ANKS1A: variants seen among roughly 807,000 people sequenced by gnomAD.
The protein encoded by ANKS1A is ankyrin repeat and SAM domain-containing protein 1A.
In ANKS1A, 55 loss-of-function variants were observed where a neutral mutation model predicts 120.3. That is an observed-to-expected ratio of 0.46 (90% CI 0.37 to 0.57). The LOEUF (loss-of-function observed/expected upper bound fraction) is 0.57, where lower values mean the gene tolerates loss of function less well. Among genes scored for constraint, ANKS1A ranks in the 20% least tolerant of loss-of-function variants. ANKS1A has a pLI of 0.00. For missense variants in ANKS1A, 1,123 were observed against 1,480.3 expected (o/e 0.76, Z 3.96); for synonymous variants, 590 against 604.7 (o/e 0.98, Z 0.36).
chr6:34,973,179 CTT>C (rs3842138), intron 3 of ANKS1A, among the ~76,000 whole-genome samples: 13,387 of 152,194 alleles, frequency 0.088, 752 homozygotes, highest in East Asian at 0.33. Flanking sequence ...TTGCATGACT[CTT>C]CTCTCATCTC....
intron 13 of ANKS1A, among the ~76,000 whole-genome samples, chr6:35,065,010 G>A (rs944852260): frequency 6.6e-6 from 1 of 152,170 alleles, no homozygotes; most frequent in Admixed American, 6.5e-5. Context: ...TATCCCAGGA[G>A]GAAGAATGTA....
At position 35,060,284 on chromosome 6, in the gene ANKS1A, G is replaced by A. The variant is rs775186451; in HGVS notation, c.2184+31G>A. On this transcript the variant is annotated intron_variant, in intron 13 of 23. Transcript: ENST00000360359. This position sits in a 1 kb window ranked among gnomAD's most constrained non-coding sequence, Gnocchi z 4.5. ...TGGCTGCAGGCCTCCTCAATGGCAG[G>A]GTGCTGCTCAGTGGAAACAGGCCTC... 6 of 1,585,730 alleles carry A rather than the reference G, an allele frequency of 3.8e-6. 1 individual carries two copies. Among genetic ancestry groups the A allele is most frequent in the Admixed American group, 1.8e-5 (1 of 56,526 alleles).
intron 3 of ANKS1A, 133 bp from the exon 4 acceptor site, chr6:34,981,557 C>T (rs758501051): frequency 3.5e-5 from 34 of 978,090 alleles, no homozygotes; most frequent in Admixed American, 1.0e-4. Context: ...GTCTGGATTC[C>T]GACTTTTATT....
rs928264901 is a variant in ANKS1A at position 35,044,307 on chromosome 6, C to G, written c.2011-9792C>G. Among the ~76,000 whole-genome samples the G allele has an allele frequency of 6.6e-6, 1 of 152,182 alleles. No individual in the cohort carries two copies. Among genetic ancestry groups the G allele is most frequent in the Non-Finnish European group, 1.5e-5 (1 of 68,038 alleles). On this transcript the variant is annotated intron_variant, in intron 11 of 23. Transcript: ENST00000360359. This position sits in a 1 kb window ranked among gnomAD's most constrained non-coding sequence, Gnocchi z 4.4. ...AATAACAGGTTTGCCAGGTAGGTGT[C>G]GTTATCCCTGTTACAGATGACCAAG...
intron 2 of ANKS1A, 74 bp downstream of exon 2, chr6:34,967,393 A>G: frequency 2.0e-6 from 3 of 1,503,800 alleles, no homozygotes; most frequent in Non-Finnish European, 1.8e-6. Flanking sequence ...TTCATTTCCT[A>G]GAAAAGTTTG....
chr6:34,987,347 CT>C (rs993192444), intron 8 of ANKS1A, among the ~76,000 whole-genome samples: 2 of 152,126 alleles, frequency 1.3e-5, no homozygotes, highest in African/African-American at 2.4e-5. Context: ...TCTTTCTAGG[CT>C]TTTTTGGCCT....
chr6:35,086,279 C>A lies in ANKS1A; in HGVS notation c.3303+343C>A, dbSNP rs2820242. 20,499 of 1,329,280 alleles carry A rather than the reference C, an allele frequency of 0.015. 203 individuals carry two copies. The highest frequency in any genetic ancestry group is 0.027 in the Middle Eastern group (132 of 4,932). The allele number at this position is 1,329,280 out of a possible 1,614,324, so 82.3% of individuals were successfully genotyped here. On this transcript the variant is annotated intron_variant, in intron 22 of 23. Transcript: ENST00000360359. The surrounding 1 kb of genome is among the most constrained non-coding windows in gnomAD (Gnocchi z 5.1). ...TTGCTCTGCACCCCAGGTGCCGCTG[C>A]CCCCCGATAGTCGCTGTTGTTACTG...
intron 1 of ANKS1A, among the ~76,000 whole-genome samples, chr6:34,960,196 C>T (rs1325355692): frequency 1.3e-5 from 2 of 152,194 alleles, no homozygotes; most frequent in Non-Finnish European, 2.9e-5. Context: ...CAGATATTCT[C>T]AAAGATCACC....
intron 13 of ANKS1A, among the ~76,000 whole-genome samples, chr6:35,063,898 A>C (rs1776636661): frequency 6.6e-6 from 1 of 152,242 alleles, no homozygotes; most frequent in South Asian, 2.1e-4. Flanking sequence ...CAAGTGGCAG[A>C]GCCAAGTCCA....
chr6:35,052,609 T>TAAAAAAAAAAAAAAAAAAAAAAAA (rs59378149), intron 11 of ANKS1A, among the ~76,000 whole-genome samples: 2 of 102,430 alleles, frequency 2.0e-5, no homozygotes, highest in East Asian at 3.1e-4. Context: ...TCTTCTCTGT[T>TAAAAAAAAAAAAAAAAAAAAAAAA]AAAAAAAAAA....
At chr6:35,095,071 G>A (rs957466281), downstream of ANKS1A, among the ~76,000 whole-genome samples, 1 of 149,428 alleles carries the variant, frequency 6.7e-6, no homozygotes, top group African/African-American at 2.5e-5. Context: ...AGCCCAGGAG[G>A]TCGAGGCTGC....
At chr6:35,087,645 A>G (rs1324139551) in intron 23 of ANKS1A, among the ~76,000 whole-genome samples, 2 of 152,084 alleles carry the variant, frequency 1.3e-5, no homozygotes, top group Admixed American at 6.6e-5. Context: ...TGCTGGCCTC[A>G]CTCTCATGGC....
At chr6:34,917,999 C>T (rs779540005) in intron 1 of ANKS1A, among the ~76,000 whole-genome samples, 7 of 152,232 alleles carry the variant, frequency 4.6e-5, no homozygotes, top group Admixed American at 2.0e-4. Flanking sequence ...CTCAGACTCA[C>T]TCCAGAAATG....
At chr6:35,033,542 C>G (rs1341070646) in intron 11 of ANKS1A, among the ~76,000 whole-genome samples, 2 of 152,190 alleles carry the variant, frequency 1.3e-5, no homozygotes, top group Admixed American at 1.3e-4. Flanking sequence ...ACCTAGGGGT[C>G]TGGCCATGCT....
intron 1 of ANKS1A, among the ~76,000 whole-genome samples, chr6:34,937,986 CACCCT>C (rs908987740): frequency 6.6e-6 from 1 of 152,114 alleles, no homozygotes; most frequent in African/African-American, 2.4e-5. Flanking sequence ...CAGCTTCTCC[CACCCT>C]ACCCCACACC....
At chr6:35,002,373 C>T (rs973184151) in intron 10 of ANKS1A, among the ~76,000 whole-genome samples, 12 of 152,158 alleles carry the variant, frequency 7.9e-5, no homozygotes, top group Non-Finnish European at 2.9e-5. Context: ...GACTGGTCCA[C>T]GCATGGCCGA....
chr6:35,078,486 C>A, intron 13 of ANKS1A, 72 bp from the exon 14 acceptor site: 1 of 1,411,996 alleles, frequency 7.1e-7, no homozygotes, highest in Non-Finnish European at 9.9e-7. Context: ...CCCTGAAAGG[C>A]CCACCTGACC....
At position 35,006,060 on chromosome 6, in the gene ANKS1A, C is replaced by T. The variant is rs551450501; in HGVS notation, c.1424-11413C>T. Among the ~76,000 whole-genome samples, 12 of 151,806 alleles carry T rather than the reference C, an allele frequency of 7.9e-5. No homozygotes were observed. In the South Asian group the frequency reaches 1.9e-3, roughly 24 times the overall value. On this transcript the variant is annotated intron_variant, in intron 10 of 23. Coordinates refer to ENST00000360359, the MANE Select transcript of ANKS1A (RefSeq NM_015245.3). ...AAAATTAGCTGGGTGTGGTGGCACG[C>T]GCCTGTAGTCCCAGCTACTCAGGAG...
At chr6:34,913,600 C>T (rs1051046065) in intron 1 of ANKS1A, among the ~76,000 whole-genome samples, 10 of 152,056 alleles carry the variant, frequency 6.6e-5, no homozygotes, top group African/African-American at 2.4e-4. Context: ...AGTTACCATG[C>T]CTGGCCTAAA....
Sources: allele counts gnomAD v4.1 joint callset (sites outside exome capture counted in the v4.1 genomes callset), GRCh38; gene constraint gnomAD v4.1.1; non-coding constraint Gnocchi (gnomAD v3.1); transcripts MANE v1.5; gene names NCBI Gene and HGNC (gene_info 2026-07-23, HGNC 2026-07-21).